Variants in ANKS1B observed in about 807,000 individuals in gnomAD.
ANKS1B encodes ankyrin repeat and sterile alpha motif domain-containing protein 1B.
In ANKS1B, 36 loss-of-function variants were observed where a neutral mutation model predicts 148.3. The ratio of observed to expected loss-of-function variants is 0.24; its 90% CI spans 0.19 to 0.32. The LOEUF (loss-of-function observed/expected upper bound fraction) is 0.32, where lower values mean the gene tolerates loss of function less well. Ranked by LOEUF, ANKS1B falls within the 10% of genes least tolerant of loss-of-function variation. The pLI is 1.00. For missense variants in ANKS1B, 1,157 were observed against 1,542.6 expected, an observed-to-expected ratio of 0.75 and a Z score of 4.19; for synonymous variants, 542 against 560.8, an observed-to-expected ratio of 0.97 and a Z score of 0.47.
intron 9 of ANKS1B, among the ~76,000 whole-genome samples, chr12:99,528,286 G>C (rs1446362138): frequency 6.6e-6 from 1 of 151,708 alleles, no homozygotes; most frequent in Non-Finnish European, 1.5e-5. Flanking sequence ...AGAAAACCTA[G>C]GAAATACCAC....
At chr12:99,251,676 C>T (rs981764114) in intron 12 of ANKS1B, among the ~76,000 whole-genome samples, 4 of 152,092 alleles carry the variant, frequency 2.6e-5, no homozygotes, top group Non-Finnish European at 5.9e-5. Context: ...ATTTTTATCA[C>T]CTATATATCA....
At chr12:99,166,308 T>C (rs969712402) in intron 14 of ANKS1B, among the ~76,000 whole-genome samples, 10 of 151,850 alleles carry the variant, frequency 6.6e-5, no homozygotes, top group African/African-American at 2.4e-4. Flanking sequence ...GCATTCATAT[T>C]GGAAAGGAAG....
chr12:99,397,905 C>T (rs1431643072), intron 12 of ANKS1B, among the ~76,000 whole-genome samples: 1 of 151,998 alleles, frequency 6.6e-6, no homozygotes, highest in Non-Finnish European at 1.5e-5. Context: ...CTAAATGACA[C>T]TTAGGCACAT....
intron 9 of ANKS1B, among the ~76,000 whole-genome samples, chr12:99,596,856 T>G (rs1468342137): frequency 6.6e-6 from 1 of 151,876 alleles, no homozygotes; most frequent in Non-Finnish European, 1.5e-5. Flanking sequence ...TAAGGAAGCA[T>G]CTATATTGTT....
chr12:99,505,705 C>T (rs2096704791), intron 9 of ANKS1B, among the ~76,000 whole-genome samples: 1 of 150,508 alleles, frequency 6.6e-6, no homozygotes, highest in Non-Finnish European at 1.5e-5. Flanking sequence ...ATAATCCTTG[C>T]TCTGAAGAAG....
At chr12:99,510,101 A>T (rs1308109540) in intron 9 of ANKS1B, among the ~76,000 whole-genome samples, 2 of 152,022 alleles carry the variant, frequency 1.3e-5, no homozygotes, top group Non-Finnish European at 2.9e-5. Flanking sequence ...ACAAGAAAAG[A>T]TTCCTTTCAA....
intron 12 of ANKS1B, among the ~76,000 whole-genome samples, chr12:99,250,978 G>A (rs1366231140): frequency 3.9e-5 from 6 of 152,166 alleles, no homozygotes; most frequent in African/African-American, 1.4e-4. Context: ...TTGGTGTCAG[G>A]AGAGGGTTAA....
At chr12:99,467,358 C>G (rs1465527855) in intron 10 of ANKS1B, among the ~76,000 whole-genome samples, 1 of 152,194 alleles carries the variant, frequency 6.6e-6, no homozygotes, top group African/African-American at 2.4e-5. Context: ...AAACTGGAAG[C>G]ATTCCCTTGA....
chr12:99,098,983 A>G (rs1470787520), intron 15 of ANKS1B, among the ~76,000 whole-genome samples: 1 of 152,064 alleles, frequency 6.6e-6, no homozygotes, highest in Non-Finnish European at 1.5e-5. Context: ...GGCACCTTAG[A>G]TCATGGGAGG....
At chr12:99,404,414 T>G (rs2094484863) in intron 11 of ANKS1B, among the ~76,000 whole-genome samples, 1 of 145,842 alleles carries the variant, frequency 6.9e-6, no homozygotes, top group Non-Finnish European at 1.5e-5. Context: ...GATGAGGTAT[T>G]CAGAATCCTA....
At chr12:99,040,243 T>C (rs2099958069) in intron 17 of ANKS1B, among the ~76,000 whole-genome samples, 1 of 152,058 alleles carries the variant, frequency 6.6e-6, no homozygotes, top group African/African-American at 2.4e-5. Context: ...CTCTGTTCTC[T>C]CTCACTCTTT....
At chr12:99,437,081 A>G (rs373302085) in intron 11 of ANKS1B, among the ~76,000 whole-genome samples, 2 of 151,942 alleles carry the variant, frequency 1.3e-5, no homozygotes, top group East Asian at 3.9e-4. Context: ...AAATACCAAA[A>G]AGTTATGGGG....
intron 1 of ANKS1B, among the ~76,000 whole-genome samples, chr12:99,889,767 G>C (rs1384260283): frequency 6.6e-6 from 1 of 152,110 alleles, no homozygotes; most frequent in African/African-American, 2.4e-5. Context: ...TCAATTAATA[G>C]AATCTACAAT....
At chr12:99,505,584 T>A (rs1170212779) in intron 9 of ANKS1B, among the ~76,000 whole-genome samples, 1 of 149,352 alleles carries the variant, frequency 6.7e-6, no homozygotes, top group Non-Finnish European at 1.5e-5. Flanking sequence ...CAAATACTTA[T>A]TGGGCATCTA....
At chr12:99,416,766 T>C (rs1156545037) in intron 11 of ANKS1B, among the ~76,000 whole-genome samples, 1 of 152,278 alleles carries the variant, frequency 6.6e-6, no homozygotes, top group Non-Finnish European at 1.5e-5. Context: ...ATATGTGATT[T>C]ATAAATATTT....
chr12:99,255,893 A>G (rs1333134675), intron 12 of ANKS1B, among the ~76,000 whole-genome samples: 1 of 152,216 alleles, frequency 6.6e-6, no homozygotes, highest in African/African-American at 2.4e-5. Flanking sequence ...TGACTGTTTC[A>G]TGAGAATTAC....
At chr12:99,292,067 T>C (rs961547639) in intron 12 of ANKS1B, among the ~76,000 whole-genome samples, 1 of 152,104 alleles carries the variant, frequency 6.6e-6, no homozygotes, top group African/African-American at 2.4e-5. Context: ...GAAGAAAACC[T>C]AGGCAATATG....
chr12:99,263,818 A>T (rs2076168213), intron 12 of ANKS1B, among the ~76,000 whole-genome samples: 1 of 152,158 alleles, frequency 6.6e-6, no homozygotes, highest in Admixed American at 6.5e-5. Context: ...AAGTTTCCTG[A>T]GGCCTCCCTA....
chr12:99,399,851 T>C (rs747225586), intron 11 of ANKS1B, 40 bp from the exon 12 acceptor site: 66 of 1,600,684 alleles, frequency 4.1e-5, no homozygotes, highest in Non-Finnish European at 5.3e-5. Context: ...AATATGATCA[T>C]GTTCATCTTC....
Sources: allele counts gnomAD v4.1 joint callset (sites outside exome capture counted in the v4.1 genomes callset), GRCh38; gene constraint gnomAD v4.1.1; transcripts MANE v1.5; gene names NCBI Gene and HGNC (gene_info 2026-07-23, HGNC 2026-07-21).